The following EXOC4 variants were observed in gnomAD, a reference collection of about 807,000 sequenced individuals.
The protein encoded by EXOC4 is exocyst complex component 4, also known as SEC8-like 1.
A neutral mutation model predicts 107.2 loss-of-function variants in EXOC4; 71 were observed. That is an observed-to-expected ratio of 0.66 (90% confidence interval 0.55 to 0.81). The LOEUF (loss-of-function observed/expected upper bound fraction) is 0.81. Ranked by LOEUF, EXOC4 falls within the 30% of genes least tolerant of loss-of-function variation. The pLI, the probability that EXOC4 is intolerant of heterozygous loss-of-function variation, is 0.00. For synonymous variants in EXOC4, 456 were observed against 441.2 expected, an observed-to-expected ratio of 1.03 and a Z score of -0.42; for missense variants, 1,108 against 1,189.6, an observed-to-expected ratio of 0.93 and a Z score of 1.01.
chr7:133,360,573 A>G (rs937335402), intron 6 of EXOC4, among the ~76,000 whole-genome samples: 11 of 152,242 alleles, frequency 7.2e-5, no homozygotes, highest in Admixed American at 5.9e-4. Context: ...GAAGAAAAAG[A>G]TTAAATGTCA....
At chr7:133,577,063 G>A (rs10269702) in intron 9 of EXOC4, among the ~76,000 whole-genome samples, 4,667 of 152,182 alleles carry the variant, frequency 0.031, 230 homozygotes, top group African/African-American at 0.11. Context: ...CTTCAACATA[G>A]CAGTCTTTCA....
chr7:133,288,631 A>C (rs552240325), intron 2 of EXOC4, among the ~76,000 whole-genome samples: 1 of 152,186 alleles, frequency 6.6e-6, no homozygotes, highest in Non-Finnish European at 1.5e-5. Flanking sequence ...GAGGTACTTC[A>C]TATTTTCAGA....
chr7:133,274,957 TTG>T (rs1793954412), intron 1 of EXOC4, 23 bp from the exon 2 acceptor site: 9 of 1,516,022 alleles, frequency 5.9e-6, no homozygotes, highest in African/African-American at 1.4e-5. Context: ...TTTACTTAGC[TTG>T]ATATACTCTC....
chr7:133,905,909 C>T (rs1357054629), intron 12 of EXOC4, among the ~76,000 whole-genome samples: 2 of 152,120 alleles, frequency 1.3e-5, no homozygotes, highest in East Asian at 1.9e-4. Context: ...TGTTGACCCT[C>T]GGTATGCTCA....
At chr7:134,061,155 T>C (rs1796047871) in intron 17 of EXOC4, among the ~76,000 whole-genome samples, 1 of 152,212 alleles carries the variant, frequency 6.6e-6, no homozygotes, top group Non-Finnish European at 1.5e-5. Flanking sequence ...CAATGGCCTC[T>C]GTAGAAAACC....
chr7:133,484,917 TAAAAATAC>T (rs2150866812), intron 9 of EXOC4, among the ~76,000 whole-genome samples: 1 of 151,362 alleles, frequency 6.6e-6, no homozygotes, highest in African/African-American at 2.4e-5. Flanking sequence ...CCCTCTCTAC[TAAAAATAC>T]AAAAATTAGC....
intron 13 of EXOC4, among the ~76,000 whole-genome samples, chr7:133,932,290 G>T (rs1053776904): frequency 5.9e-5 from 9 of 152,096 alleles, no homozygotes; most frequent in African/African-American, 2.2e-4. Flanking sequence ...ACTGTCAAGG[G>T]GTCTATGTGG....
At chr7:133,262,328 T>C (rs1236414808) in intron 1 of EXOC4, among the ~76,000 whole-genome samples, 1 of 151,602 alleles carries the variant, frequency 6.6e-6, no homozygotes, top group Non-Finnish European at 1.5e-5. Context: ...TAGTAAGCCA[T>C]GAAATAAATT....
intron 9 of EXOC4, among the ~76,000 whole-genome samples, chr7:133,604,476 C>T (rs535569186): frequency 6.6e-6 from 1 of 152,172 alleles, no homozygotes; most frequent in South Asian, 2.1e-4. Flanking sequence ...TATGCCATCA[C>T]TAGGTGACAG....
intron 14 of EXOC4, among the ~76,000 whole-genome samples, chr7:133,959,539 T>C (rs1800893446): frequency 6.7e-6 from 1 of 149,162 alleles, no homozygotes; most frequent in Admixed American, 6.6e-5. Flanking sequence ...GGAGAGAAAA[T>C]AGAGAGGGCC....
At chr7:133,341,501 A>G (rs902985766) in intron 5 of EXOC4, among the ~76,000 whole-genome samples, 1 of 152,168 alleles carries the variant, frequency 6.6e-6, no homozygotes, top group Admixed American at 6.5e-5. Context: ...TAGAATGTAT[A>G]TTCTGCAGTT....
At chr7:133,289,163 AG>A in intron 3 of EXOC4, 47 bp downstream of exon 3, 1 of 1,538,572 alleles carries the variant, frequency 6.5e-7, no homozygotes, top group South Asian at 1.2e-5. Context: ...AAGATGTAAA[AG>A]CACTCTCTTT....
chr7:133,928,346 G>A lies in EXOC4; in HGVS notation c.2028-9545G>A, dbSNP rs187472684. ...CTGAGACAAGGGCAAGCGGTGAGAC[G>A]CTCTAGTAGCACTGCCGAAAGCCCG... On this transcript the variant is annotated intron_variant, in intron 13 of 17. Transcript: ENST00000253861. Among the ~76,000 whole-genome samples, 230 of 152,264 alleles carry A rather than the reference G, an allele frequency of 1.5e-3. 3 individuals carry two copies. The highest frequency in any genetic ancestry group is 5.0e-3 in the African/African-American group (209 of 41,540).
intron 9 of EXOC4, among the ~76,000 whole-genome samples, chr7:133,564,170 C>T (rs1800862080): frequency 6.6e-6 from 1 of 152,170 alleles, no homozygotes; most frequent in Admixed American, 6.5e-5. Flanking sequence ...GCTCACGGTT[C>T]TGCAGGCTGT....
chr7:133,630,006 T>C, intron 9 of EXOC4, 39 bp from the exon 10 acceptor site: 1 of 1,463,716 alleles, frequency 6.8e-7, no homozygotes, highest in East Asian at 2.3e-5. Flanking sequence ...TATAAAAGTT[T>C]CAATGAGCTA....
At chr7:133,551,724 A>T (rs1382897823) in intron 9 of EXOC4, 1 of 152,108 alleles carries the variant, frequency 6.6e-6, no homozygotes, top group African/African-American at 2.4e-5. Context: ...AATCTAGCTG[A>T]TTTTCATTCA....
chr7:133,555,625 A>T (rs1800676107), intron 9 of EXOC4, among the ~76,000 whole-genome samples: 1 of 152,170 alleles, frequency 6.6e-6, no homozygotes, highest in Non-Finnish European at 1.5e-5. Context: ...TACTCACCTC[A>T]TTCTGGGGTA....
intron 13 of EXOC4, among the ~76,000 whole-genome samples, chr7:133,926,483 C>T (rs1377550358): frequency 1.3e-5 from 2 of 152,004 alleles, no homozygotes; most frequent in African/African-American, 4.8e-5. Flanking sequence ...TTATATTATA[C>T]CTGATGTATT....
At chr7:133,715,452 C>G (rs1002837309) in intron 10 of EXOC4, among the ~76,000 whole-genome samples, 1 of 151,836 alleles carries the variant, frequency 6.6e-6, no homozygotes, top group East Asian at 1.9e-4. Context: ...CTCAAAGTAG[C>G]CATTAAATCT....
Sources: allele counts gnomAD v4.1 joint callset (sites outside exome capture counted in the v4.1 genomes callset), GRCh38; gene constraint gnomAD v4.1.1; transcripts MANE v1.5; gene names NCBI Gene and HGNC (gene_info 2026-07-23, HGNC 2026-07-21).